The following CPA6 variants were observed in gnomAD, a reference collection of about 807,000 sequenced individuals.
CPA6 encodes the protein carboxypeptidase B.
CPA6 carries 58 observed loss-of-function variants against 63.3 expected under a neutral mutation model. The ratio of observed to expected loss-of-function variants is 0.92; its 90% confidence interval spans 0.74 to 1.14. The LOEUF is 1.14. Among genes scored for constraint, CPA6 ranks in the 50% most tolerant of loss-of-function variants. CPA6 has a pLI of 0.00. For missense variants in CPA6, 565 were observed against 526.6 expected (o/e 1.07, Z -0.71); for synonymous variants, 185 against 179.0 (o/e 1.03, Z -0.27).
At chr8:67,711,462 C>G (rs999113530) in intron 1 of CPA6, among the ~76,000 whole-genome samples, 1 of 152,178 alleles carries the variant, frequency 6.6e-6, no homozygotes, top group South Asian at 2.1e-4. Context: ...TTCCAGGGCC[C>G]TATTTGGGCT....
chr8:67,453,410 C>T (rs1342725102), intron 8 of CPA6, among the ~76,000 whole-genome samples: 1 of 151,940 alleles, frequency 6.6e-6, no homozygotes, highest in Non-Finnish European at 1.5e-5. Context: ...TAGGAAGAGC[C>T]GATTTGGCAG....
At chr8:67,709,466 C>T (rs1817206598) in intron 1 of CPA6, among the ~76,000 whole-genome samples, 1 of 152,206 alleles carries the variant, frequency 6.6e-6, no homozygotes, top group Admixed American at 6.5e-5. Flanking sequence ...TTGCTGCATA[C>T]TCATATGGTT....
intron 1 of CPA6, among the ~76,000 whole-genome samples, chr8:67,638,649 A>T (rs1375253604): frequency 6.6e-6 from 1 of 150,584 alleles, no homozygotes; most frequent in African/African-American, 2.5e-5. Context: ...GAGGAAGACC[A>T]CTCCCCCAGG....
At chr8:67,528,508 T>C (rs1409069035) in intron 2 of CPA6, among the ~76,000 whole-genome samples, 1 of 152,146 alleles carries the variant, frequency 6.6e-6, no homozygotes, top group Non-Finnish European at 1.5e-5. Context: ...CCCCTAGGAC[T>C]CAGATAAGAC....
At chr8:67,719,976 T>C (rs1379505054) in intron 1 of CPA6, among the ~76,000 whole-genome samples, 3 of 152,072 alleles carry the variant, frequency 2.0e-5, no homozygotes, top group Non-Finnish European at 4.4e-5. Context: ...TTCATGCGCG[T>C]CCGTGTGAAG....
intron 8 of CPA6, among the ~76,000 whole-genome samples, chr8:67,455,703 T>A (rs1810660252): frequency 1.4e-5 from 2 of 144,652 alleles, no homozygotes; most frequent in Admixed American, 1.4e-4. Context: ...AGAAAATGAT[T>A]GCCAAGACTG....
At position 67,526,364 on chromosome 8, in the gene CPA6, T is replaced by G. The variant is rs116517250; in HGVS notation, c.193-8317A>C. On this transcript the variant is annotated intron_variant, in intron 2 of 10. Coordinates refer to ENST00000297770, the MANE Select transcript of CPA6 (RefSeq NM_020361.5). ...GGTGATTTTTCTGAAATAGACATGTTTTTTTTCTTTCATGGTCTGTGTTTA... is the reference window on the plus strand; with the variant it reads ...GGTGATTTTTCTGAAATAGACATGTGTTTTTTCTTTCATGGTCTGTGTTTA... Among the ~76,000 whole-genome samples the G allele has an allele frequency of 5.3e-3, 801 of 152,330 alleles. 5 individuals are homozygous for G. Among genetic ancestry groups the G allele is most frequent in the African/African-American group, 0.018 (749 of 41,576 alleles).
intron 1 of CPA6, among the ~76,000 whole-genome samples, chr8:67,721,091 T>C (rs1817489434): frequency 6.6e-6 from 1 of 152,230 alleles, no homozygotes; most frequent in Non-Finnish European, 1.5e-5. Flanking sequence ...CAAAGCAGGC[T>C]GGCAAAAAAA....
chr8:67,496,970 A>G (rs1186836110), intron 6 of CPA6, among the ~76,000 whole-genome samples: 1 of 152,134 alleles, frequency 6.6e-6, no homozygotes. Context: ...TTTTCCAGAA[A>G]TTCGCTGATT....
At chr8:67,455,690 A>AAAAAAAAAG (rs1241711270) in intron 8 of CPA6, among the ~76,000 whole-genome samples, 1 of 150,338 alleles carries the variant, frequency 6.7e-6, no homozygotes, top group Non-Finnish European at 1.5e-5. Flanking sequence ...AAAAAAAAAA[A>AAAAAAAAAG]AAAGAAAATG....
chr8:67,686,646 AT>A (rs1376212372), intron 1 of CPA6, among the ~76,000 whole-genome samples: 11 of 152,228 alleles, frequency 7.2e-5, no homozygotes, highest in Admixed American at 2.0e-4. Flanking sequence ...ACATTATTCA[AT>A]TTTTGTGTTT....
intron 2 of CPA6, among the ~76,000 whole-genome samples, chr8:67,609,264 T>G (rs1204045781): frequency 6.6e-6 from 1 of 152,208 alleles, no homozygotes; most frequent in Non-Finnish European, 1.5e-5. Flanking sequence ...TCTCTTAATA[T>G]CCATTGATGC....
chr8:67,737,650 T>C (rs565959622), intron 1 of CPA6, among the ~76,000 whole-genome samples: 63 of 152,346 alleles, frequency 4.1e-4, no homozygotes, highest in African/African-American at 1.3e-3. Flanking sequence ...TGGGCTGCTC[T>C]TTCATCTCTG....
At chr8:67,583,133 A>G (rs957970638) in intron 2 of CPA6, among the ~76,000 whole-genome samples, 1 of 148,662 alleles carries the variant, frequency 6.7e-6, no homozygotes, top group African/African-American at 2.5e-5. Context: ...TCAATAGTGT[A>G]AAGAGTTGGA....
At chr8:67,700,898 C>T (rs567849952) in intron 1 of CPA6, among the ~76,000 whole-genome samples, 3 of 152,232 alleles carry the variant, frequency 2.0e-5, no homozygotes, top group South Asian at 4.1e-4. Flanking sequence ...TGATTTATTT[C>T]CATATTCTCC....
chr8:67,479,946 T>C (rs905417988), intron 8 of CPA6, among the ~76,000 whole-genome samples: 5 of 151,300 alleles, frequency 3.3e-5, no homozygotes, highest in Non-Finnish European at 7.4e-5. Flanking sequence ...AAATGATTGG[T>C]CAAGCAGAAC....
At chr8:67,637,653 T>C (rs1183972552) in intron 1 of CPA6, among the ~76,000 whole-genome samples, 2 of 151,454 alleles carry the variant, frequency 1.3e-5, no homozygotes, top group Non-Finnish European at 2.9e-5. Context: ...TTTTCAAAGA[T>C]GTATAATCTA....
At chr8:67,427,319 C>T (rs1809912766) in intron 10 of CPA6, among the ~76,000 whole-genome samples, 1 of 152,110 alleles carries the variant, frequency 6.6e-6, no homozygotes, top group Non-Finnish European at 1.5e-5. Context: ...GTTATTTATT[C>T]TCAAATTTAT....
intron 1 of CPA6, among the ~76,000 whole-genome samples, chr8:67,705,067 C>T (rs1817104782): frequency 6.6e-6 from 1 of 152,142 alleles, no homozygotes; most frequent in Non-Finnish European, 1.5e-5. Context: ...ACAAGCCCTC[C>T]AGCCCCTCCA....
Sources: gnomAD v4.1 joint callset for allele counts (sites outside exome capture counted in the v4.1 genomes callset) on GRCh38, gnomAD v4.1.1 for gene constraint, MANE v1.5 for transcripts, NCBI Gene and HGNC (gene_info 2026-07-23, HGNC 2026-07-21) for gene names.